Variants in SGCD observed in about 807,000 individuals in gnomAD.
The protein encoded by SGCD is sarcoglycan delta, also known as delta-sarcoglycan.
Under a neutral mutation model 36.6 loss-of-function variants are expected in SGCD, and 18 were observed. The observed-to-expected ratio is 0.49, with a 90% CI of 0.34 to 0.73. SGCD has a LOEUF of 0.73. Among genes scored for constraint, SGCD ranks in the 30% least tolerant of loss-of-function variants. The pLI is 0.01. For missense variants in SGCD, 387 were observed against 346.7 expected, an observed-to-expected ratio of 1.12 and a Z score of -0.92; for synonymous variants, 133 against 130.6, an observed-to-expected ratio of 1.02 and a Z score of -0.12.
intron 4 of SGCD, among the ~76,000 whole-genome samples, chr5:156,522,009 G>A (rs1401317404): frequency 1.3e-5 from 2 of 152,194 alleles, no homozygotes; most frequent in Non-Finnish European, 2.9e-5. Context: ...GGAATACTAT[G>A]CAGCCATAAA....
At chr5:156,596,239 T>C (rs1561803269) in intron 6 of SGCD, among the ~76,000 whole-genome samples, 1 of 152,170 alleles carries the variant, frequency 6.6e-6, no homozygotes, top group Admixed American at 6.6e-5. Flanking sequence ...TTTCCTTCTT[T>C]AGCTCCCTGA....
chr5:155,866,153 G>C (rs1253488272), upstream of SGCD, among the ~76,000 whole-genome samples: 1 of 152,130 alleles, frequency 6.6e-6, no homozygotes, highest in Non-Finnish European at 1.5e-5. Context: ...GCACTGAAGG[G>C]TCAGGATTTA....
chr5:156,589,081 G>T, intron 4 of SGCD, 150 bp from the exon 5 acceptor site: 2 of 577,508 alleles, frequency 3.5e-6, no homozygotes, highest in East Asian at 3.0e-5. Flanking sequence ...CATGTACATA[G>T]GGATCTTTAA....
rs769070218 is a variant in SGCD, at chr5:156,537,459, C to CCACACACACACACACA, written c.294+28790_294+28805dup. Among the ~76,000 whole-genome samples, 173 of 125,882 alleles carry CCACACACACACACACA rather than the reference C, an allele frequency of 1.4e-3. 2 individuals carry two copies. Among genetic ancestry groups the CCACACACACACACACA allele is most frequent in the Non-Finnish European group, 2.1e-3 (124 of 60,366 alleles). 82.6% of individuals were successfully genotyped at this position (125,882 alleles called of 152,430 possible). ...TGGGCTTGAGGTTAGAAGGTAGCAG[C>CCACACACACACACACA]CACACACACACACACACACACACAC... On this transcript the variant is annotated intron_variant, in intron 4 of 8. Transcript: ENST00000337851.
intron 3 of SGCD, among the ~76,000 whole-genome samples, chr5:156,412,755 G>A (rs1393710238): frequency 6.6e-6 from 1 of 150,424 alleles, no homozygotes; most frequent in Non-Finnish European, 1.5e-5. Flanking sequence ...CAAAGCACAA[G>A]AGATGGCAGA....
intron 3 of SGCD, among the ~76,000 whole-genome samples, chr5:156,147,402 T>C (rs1001709779): frequency 9.2e-5 from 14 of 152,226 alleles, no homozygotes; most frequent in Non-Finnish European, 1.9e-4. Context: ...AAAGAGTTCA[T>C]AGTCTTAGGA....
At position 156,055,764 on chromosome 5, in the gene SGCD, T is replaced by A. The variant is rs569107896; in HGVS notation, c.-281-62114T>A. Among the ~76,000 whole-genome samples the A allele has an allele frequency of 4.8e-5, 7 of 146,228 alleles. No individual in the cohort carries two copies. In the East Asian group the frequency reaches 1.4e-3, roughly 28 times the overall value. On this transcript the variant is annotated intron_variant, in intron 1 of 9. Coordinates refer to the SGCD transcript ENST00000517913. ...GTAGGACTTAAATTAGGCATGCATC[T>A]CTTCTAGCCTCAGAGCCATATACTC... is the stretch of plus-strand genomic sequence containing the variant.
chr5:156,330,875 C>A (rs181656984), intron 2 of SGCD, among the ~76,000 whole-genome samples: 1 of 152,266 alleles, frequency 6.6e-6, no homozygotes, highest in Non-Finnish European at 1.5e-5. Context: ...GGCTGTGTGG[C>A]CATAGGCAAG....
intron 1 of SGCD, among the ~76,000 whole-genome samples, chr5:156,098,382 CAA>C (rs1237612338): frequency 6.6e-6 from 1 of 152,096 alleles, no homozygotes; most frequent in African/African-American, 2.4e-5. Context: ...AGAAATTTCT[CAA>C]AAGTTACTTG....
chr5:156,628,086 G>A (rs970794550), intron 6 of SGCD, among the ~76,000 whole-genome samples: 2 of 152,174 alleles, frequency 1.3e-5, no homozygotes, highest in Non-Finnish European at 1.5e-5. Context: ...GAAGGCAGAG[G>A]GGGAGCAAGC....
chr5:156,121,812 C>T (rs1303470773), intron 2 of SGCD, among the ~76,000 whole-genome samples: 1 of 152,008 alleles, frequency 6.6e-6, no homozygotes. Flanking sequence ...AAAGCAGGGG[C>T]TGAGAGTTGA....
intron 6 of SGCD, among the ~76,000 whole-genome samples, chr5:156,637,636 A>G (rs916909256): frequency 6.6e-6 from 1 of 152,162 alleles, no homozygotes; most frequent in African/African-American, 2.4e-5. Flanking sequence ...GAGTCTGGGA[A>G]AGTATTTAGC....
chr5:156,160,033 G>A (rs1230822425), intron 3 of SGCD, among the ~76,000 whole-genome samples: 1 of 151,520 alleles, frequency 6.6e-6, no homozygotes, highest in East Asian at 1.9e-4. Context: ...TAGTAAATTA[G>A]CTTTCAGTTA....
intron 3 of SGCD, among the ~76,000 whole-genome samples, chr5:156,373,848 T>C (rs1770519384): frequency 6.6e-6 from 1 of 151,862 alleles, no homozygotes; most frequent in South Asian, 2.1e-4. Flanking sequence ...GTTTGTATTA[T>C]GTTTGGATCC....
Position 156,291,267 on chromosome 5 carries a change from C to T in SGCD, c.-43-38267C>T, listed in dbSNP as rs143603118. Among the ~76,000 whole-genome samples the T allele has an allele frequency of 7.5e-3, 1,145 of 152,190 alleles. 8 individuals carry two copies. The highest frequency in any genetic ancestry group is 0.024 in the Middle Eastern group (7 of 294). On this transcript the variant is annotated intron_variant, in intron 3 of 9. Transcript: ENST00000517913. ...GAGAGAACTTGAATTGTTCCCAAAA[C>T]AAAGAAATATTCAATACTCAAGGTG... is the stretch of plus-strand genomic sequence containing the variant.
At chr5:155,784,961 T>C in the SGCD span, among the ~76,000 whole-genome samples, 1 of 152,256 alleles carries the variant, frequency 6.6e-6, no homozygotes, top group African/African-American at 2.4e-5. Context: ...CCCATCCACT[T>C]TGGAAGCCAA....
chr5:156,281,030 A>G (rs1207494881), intron 3 of SGCD, among the ~76,000 whole-genome samples: 1 of 152,232 alleles, frequency 6.6e-6, no homozygotes, highest in African/African-American at 2.4e-5. Flanking sequence ...ACTTACATCT[A>G]TACAACATTA....
At chr5:156,073,646 G>C (rs1024162644) in intron 1 of SGCD, among the ~76,000 whole-genome samples, 1 of 152,176 alleles carries the variant, frequency 6.6e-6, no homozygotes, top group Non-Finnish European at 1.5e-5. Flanking sequence ...GACATAATTA[G>C]AAGTCCAGTT....
intron 3 of SGCD, among the ~76,000 whole-genome samples, chr5:156,406,813 TATATATACAC>T (rs1401890906): frequency 2.0e-4 from 22 of 107,978 alleles, no homozygotes; most frequent in African/African-American, 9.0e-4. Context: ...TATATATATA[TATATATACAC>T]ACACACACAC....
Sources: gnomAD v4.1 joint callset for allele counts (sites outside exome capture counted in the v4.1 genomes callset) on GRCh38, gnomAD v4.1.1 for gene constraint, MANE v1.5 for transcripts, NCBI Gene and HGNC (gene_info 2026-07-23, HGNC 2026-07-21) for gene names.